Variants in LIMCH1 observed in about 807,000 individuals in gnomAD.
LIMCH1 encodes LIM and calponin homology domains-containing protein 1.
LIMCH1 carries 113 observed loss-of-function variants against 176.5 expected under a neutral mutation model. That is an observed-to-expected ratio of 0.64 (90% CI 0.55 to 0.75). LIMCH1 has a LOEUF of 0.75. Among genes scored for constraint, LIMCH1 ranks in the 30% least tolerant of loss-of-function variants. LIMCH1 has a pLI of 0.00. For missense variants in LIMCH1, 1,674 were observed against 1,814.9 expected, an observed-to-expected ratio of 0.92 and a Z score of 1.41; for synonymous variants, 619 against 645.9, an observed-to-expected ratio of 0.96 and a Z score of 0.63.
chr4:41,577,951 TG>T (rs2084772189), intron 1 of LIMCH1, among the ~76,000 whole-genome samples: 1 of 152,208 alleles, frequency 6.6e-6, no homozygotes, highest in African/African-American at 2.4e-5. Flanking sequence ...AATGTTGCAA[TG>T]GGCATTCTTT....
chr4:41,454,612 T>C (rs1409656521), intron 1 of LIMCH1, among the ~76,000 whole-genome samples: 1 of 152,156 alleles, frequency 6.6e-6, no homozygotes, highest in African/African-American at 2.4e-5. Context: ...ATCTGTAGCA[T>C]TCAAACAGTC....
chr4:41,479,498 C>A (rs1042009187), intron 1 of LIMCH1, among the ~76,000 whole-genome samples: 1 of 152,178 alleles, frequency 6.6e-6, no homozygotes, highest in Non-Finnish European at 1.5e-5. Flanking sequence ...GCAATTCTTT[C>A]ACTTCAGCCT....
intron 1 of LIMCH1, among the ~76,000 whole-genome samples, chr4:41,419,167 C>T (rs28486069): frequency 0.092 from 2,884 of 31,388 alleles, 105 homozygotes; most frequent in African/African-American, 0.32. Context: ...TATTTTATTT[C>T]ATTTTATTTT....
intron 3 of LIMCH1, chr4:41,604,375 A>G: frequency 4.4e-6 from 1 of 225,688 alleles, no homozygotes; most frequent in Non-Finnish European, 7.4e-6. Context: ...TACTTGCCCA[A>G]ATGAACTTTT....
At chr4:41,477,045 G>A (rs1216561227) in intron 1 of LIMCH1, among the ~76,000 whole-genome samples, 2 of 152,156 alleles carry the variant, frequency 1.3e-5, no homozygotes, top group East Asian at 3.8e-4. Context: ...CTGATAATAG[G>A]GGGAAATCAG....
chr4:41,388,203 A>G (rs2056747092), intron 1 of LIMCH1, among the ~76,000 whole-genome samples: 1 of 152,254 alleles, frequency 6.6e-6, no homozygotes, highest in Non-Finnish European at 1.5e-5. Flanking sequence ...CTTGCTCATG[A>G]ATGTTCCTAG....
At chr4:41,443,197 T>C (rs1235250274) in intron 1 of LIMCH1, among the ~76,000 whole-genome samples, 5 of 41,930 alleles carry the variant, frequency 1.2e-4, no homozygotes, top group South Asian at 1.0e-3. Flanking sequence ...TTTTTCTTTT[T>C]TTTTTTTTTT....
In LIMCH1 at chr4:41,360,967, C is replaced by T; in HGVS notation, c.96+31C>T. The T allele has an allele frequency of 6.6e-7, 1 of 1,509,322 alleles. No homozygotes were observed. The highest frequency in any genetic ancestry group is 9.0e-7 in the Non-Finnish European group (1 of 1,117,108). The allele number at this position is 1,509,322 out of a possible 1,614,324, so 93.5% of individuals were successfully genotyped here. A position where few individuals can be genotyped will look rare whatever the true frequency, so the allele number is the denominator to read the frequency against. ...TGCGGGTGGCTGGCGGGCGGCCTTGCACTGGCGCCCTGAGCCACGGACCCG... is the reference window on the plus strand; with the variant it reads ...TGCGGGTGGCTGGCGGGCGGCCTTGTACTGGCGCCCTGAGCCACGGACCCG... On this transcript the variant is annotated intron_variant, in intron 1 of 26. Transcript: ENST00000313860. The surrounding 1 kb of genome is among the most constrained non-coding windows in gnomAD (Gnocchi z 4.5).
chr4:41,549,933 T>C (rs2080147919), intron 1 of LIMCH1, among the ~76,000 whole-genome samples: 2 of 152,048 alleles, frequency 1.3e-5, no homozygotes, highest in Admixed American at 6.5e-5. Context: ...CGGATTTGTC[T>C]TCTATTTCAA....
At chr4:41,452,388 A>T (rs2063996295) in intron 1 of LIMCH1, among the ~76,000 whole-genome samples, 2 of 152,130 alleles carry the variant, frequency 1.3e-5, no homozygotes, top group Non-Finnish European at 2.9e-5. Context: ...CCCCTAGAGC[A>T]CTTCATTGTC....
rs1050047368 is a variant in LIMCH1, at chr4:41,679,945, A to G, written c.3520-61A>G. On this transcript the variant is annotated intron_variant, in intron 23 of 31. Transcript: ENST00000503057. ...TATTGTACATGGTGGTTTAGGGGGGAAAATTCCCGATGACGTATGCAATGG... is the reference window on the plus strand; with the variant it reads ...TATTGTACATGGTGGTTTAGGGGGGGAAATTCCCGATGACGTATGCAATGG... The G allele has an allele frequency of 1.8e-5, 20 of 1,134,888 alleles. No individual in the cohort carries two copies. The African/African-American group carries it at 2.1e-4, about 12-fold the overall frequency. 70.3% of individuals were successfully genotyped at this position (1,134,888 alleles called of 1,614,324 possible). A position where few individuals can be genotyped will look rare whatever the true frequency, so the allele number is the denominator to read the frequency against.
chr4:41,410,884 C>T (rs1162314721), intron 1 of LIMCH1, among the ~76,000 whole-genome samples: 1 of 152,216 alleles, frequency 6.6e-6, no homozygotes, highest in East Asian at 1.9e-4. Flanking sequence ...GCTGGGCTGA[C>T]CTGGCCCTTA....
intron 1 of LIMCH1, among the ~76,000 whole-genome samples, chr4:41,472,154 T>G (rs984224384): frequency 2.0e-5 from 3 of 152,236 alleles, no homozygotes; most frequent in African/African-American, 7.2e-5. Context: ...CCATTTGTTG[T>G]TTTTGCTTAA....
intron 1 of LIMCH1, among the ~76,000 whole-genome samples, chr4:41,539,584 A>G (rs1301676012): frequency 1.3e-5 from 2 of 152,186 alleles, no homozygotes; most frequent in Non-Finnish European, 2.9e-5. Flanking sequence ...CATCTCCTCA[A>G]TCTAATCATC....
chr4:41,518,255 G>T (rs1276104061), intron 2 of LIMCH1, among the ~76,000 whole-genome samples: 1 of 152,128 alleles, frequency 6.6e-6, no homozygotes, highest in Non-Finnish European at 1.5e-5. Flanking sequence ...CGTCTAGATG[G>T]TCTCATAAGG....
intron 18 of LIMCH1, among the ~76,000 whole-genome samples, chr4:41,653,748 C>T (rs1168123122): frequency 2.6e-5 from 4 of 152,350 alleles, no homozygotes; most frequent in Non-Finnish European, 5.9e-5. Flanking sequence ...CATCTGGGCC[C>T]GGGACGGGCA....
intron 1 of LIMCH1, among the ~76,000 whole-genome samples, chr4:41,364,521 C>T (rs1409311673): frequency 6.6e-6 from 1 of 151,972 alleles, no homozygotes; most frequent in African/African-American, 2.4e-5. Context: ...TACCTGGAGT[C>T]GAAGTTAACT....
chr4:41,682,357 C>A lies in LIMCH1; in HGVS notation c.3742C>A (p.Gln1248Lys). ...TMNKIDLGNCQDEKQDRRWKK... is the reference protein window; with the variant it reads ...TMNKIDLGNCKDEKQDRRWKK... ...GAATAAGATAGACCTGGGAAACTGT[C>A]AAGATGAAAAACAAGACAGAAGATG... The change falls in exon 26 of 32, where the codon CAA (glutamine) becomes AAA (lysine). Residue 1248 changes from glutamine to lysine, a missense_variant. Physicochemically the swap from Gln to Lys is moderately conservative, Grantham distance 53 (BLOSUM62 1). This residue lies in a region of LIMCH1 where 1,015 missense variants were observed against 1,102.5 expected (regional missense o/e 0.92). Coordinates refer to ENST00000503057, the MANE Select transcript of LIMCH1 (RefSeq NM_001330672.2). 6.2e-7 allele frequency: 1 copy of A among 1,611,656 alleles called. No individual in the cohort carries two copies. Among genetic ancestry groups the A allele is most frequent in the South Asian group, 1.1e-5 (1 of 90,902 alleles).
intron 1 of LIMCH1, among the ~76,000 whole-genome samples, chr4:41,567,393 A>C (rs988943215): frequency 6.6e-6 from 1 of 152,246 alleles, no homozygotes; most frequent in Non-Finnish European, 1.5e-5. Context: ...TAAGCACGTC[A>C]GCAAAACTTT....
Sources: allele counts gnomAD v4.1 joint callset (sites outside exome capture counted in the v4.1 genomes callset), GRCh38; gene constraint gnomAD v4.1.1; regional missense constraint gnomAD v4.1.1; non-coding constraint Gnocchi (gnomAD v3.1); transcripts MANE v1.5; gene names NCBI Gene and HGNC (gene_info 2026-07-23, HGNC 2026-07-21).